SOX5: variants seen among roughly 807,000 people sequenced by gnomAD.
SOX5 encodes SRY-box transcription factor 5.
Under a neutral mutation model 92.0 loss-of-function variants are expected in SOX5, and 9 were observed. The ratio of observed to expected loss-of-function variants is 0.10; its 90% CI spans 0.06 to 0.17. SOX5 has a LOEUF of 0.17. Ranked by LOEUF, SOX5 falls within the 10% of genes least tolerant of loss-of-function variation. The pLI is 1.00. For missense variants in SOX5, 642 were observed against 944.5 expected, an observed-to-expected ratio of 0.68 and a Z score of 4.20; for synonymous variants, 344 against 336.3, an observed-to-expected ratio of 1.02 and a Z score of -0.25.
chr12:24,363,643 T>A (rs1042121066), intron 2 of SOX5, among the ~76,000 whole-genome samples: 2 of 151,868 alleles, frequency 1.3e-5, no homozygotes, highest in African/African-American at 4.8e-5. Context: ...TTAAACAGTG[T>A]CAACTGTTTA....
upstream of SOX5, among the ~76,000 whole-genome samples, chr12:23,953,133 T>A (rs1945871874): frequency 1.3e-5 from 2 of 152,252 alleles, no homozygotes; most frequent in South Asian, 4.1e-4. Context: ...TTCATTTGAA[T>A]CCTATATTGA....
At chr12:23,636,958 G>T (rs1185963029) in intron 8 of SOX5, among the ~76,000 whole-genome samples, 1 of 152,038 alleles carries the variant, frequency 6.6e-6, no homozygotes, top group Non-Finnish European at 1.5e-5. Flanking sequence ...AACGTAATAT[G>T]AATTAAATAA....
At chr12:24,527,005 T>C (rs1302027346) in intron 1 of SOX5, among the ~76,000 whole-genome samples, 1 of 151,948 alleles carries the variant, frequency 6.6e-6, no homozygotes, top group African/African-American at 2.4e-5. Flanking sequence ...GTGCCTAGTC[T>C]GCTCTCAAAC....
rs1326461957 is a variant in SOX5, at chr12:23,530,167, G to A, written c.*4052C>T. ...CTTCATAGTTTTCCTTGCAGACCCC[G>A]TAAGTTTTATTTTATTATTAATTTG... On this transcript the variant is annotated 3_prime_UTR_variant, in exon 15 of 15. Transcript: ENST00000451604. The A allele has an allele frequency of 1.3e-5, 2 of 152,096 alleles. No homozygotes were observed. Among genetic ancestry groups the A allele is most frequent in the Non-Finnish European group, 2.9e-5 (2 of 68,014 alleles). The allele number at this position is 152,096 out of a possible 1,614,324, so 9.4% of individuals were successfully genotyped here.
chr12:23,584,396 G>C, intron 9 of SOX5: 1 of 638,628 alleles, frequency 1.6e-6, no homozygotes, highest in Non-Finnish European at 2.8e-6. Context: ...TCAGATCTTT[G>C]AAAAGTTTGG....
chr12:23,636,279 A>G (rs1027877240), intron 8 of SOX5, among the ~76,000 whole-genome samples: 1 of 152,198 alleles, frequency 6.6e-6, no homozygotes, highest in African/African-American at 2.4e-5. Context: ...GATGATTTTT[A>G]GAATATTTTA....
rs528873244 is a variant in SOX5 at position 24,145,393 on chromosome 12, G to T, written c.-2+67950C>A. On this transcript the variant is annotated intron_variant, in intron 4 of 4. Coordinates refer to the SOX5 transcript ENST00000446891. ...AAATTACCCAATTAATAAACAGAAT[G>T]AATTTTTTAAAAAGATCTAACTACG... Among the ~76,000 whole-genome samples, 10 of 152,148 alleles carry T rather than the reference G, an allele frequency of 6.6e-5. No individual in the cohort carries two copies. In the East Asian group the frequency reaches 1.5e-3, roughly 23 times the overall value.
intron 1 of SOX5, among the ~76,000 whole-genome samples, chr12:23,901,648 T>A (rs1350980810): frequency 6.6e-6 from 1 of 152,222 alleles, no homozygotes; most frequent in African/African-American, 2.4e-5. Flanking sequence ...GCAGCCTTTA[T>A]AATCACTTGA....
At chr12:23,663,582 T>G (rs914841980) in intron 7 of SOX5, among the ~76,000 whole-genome samples, 4 of 152,200 alleles carry the variant, frequency 2.6e-5, no homozygotes, top group African/African-American at 9.6e-5. Flanking sequence ...CTAGTCTATA[T>G]GTATATATTA....
At chr12:24,270,813 G>A (rs1430408426) in intron 3 of SOX5, among the ~76,000 whole-genome samples, 2 of 152,128 alleles carry the variant, frequency 1.3e-5, no homozygotes, top group Non-Finnish European at 2.9e-5. Context: ...GTATTCTGAT[G>A]TGTCTTGATT....
At chr12:23,972,371 G>GTTTT (rs1442598053) in intron 4 of SOX5, among the ~76,000 whole-genome samples, 2 of 151,912 alleles carry the variant, frequency 1.3e-5, no homozygotes, top group African/African-American at 4.8e-5. Flanking sequence ...GTTTTGTTTT[G>GTTTT]TTTTTAGATG....
chr12:24,219,267 A>T (rs894868050), intron 3 of SOX5, among the ~76,000 whole-genome samples: 2 of 152,104 alleles, frequency 1.3e-5, no homozygotes, highest in Admixed American at 1.3e-4. Context: ...ACAGCTCACA[A>T]TAATTTATTA....
intron 4 of SOX5, among the ~76,000 whole-genome samples, chr12:24,172,903 C>T (rs1426062127): frequency 1.3e-5 from 2 of 152,284 alleles, no homozygotes; most frequent in East Asian, 3.9e-4. Flanking sequence ...TTATTTTCCC[C>T]TCAATGAAAC....
intron 1 of SOX5, among the ~76,000 whole-genome samples, chr12:23,918,883 C>T (rs1234339360): frequency 1.3e-5 from 2 of 151,152 alleles, no homozygotes; most frequent in Non-Finnish European, 2.9e-5. Context: ...TGCCACTGCA[C>T]TCCAGCCTGG....
At chr12:23,978,724 C>T (rs1032929787) in intron 4 of SOX5, among the ~76,000 whole-genome samples, 3 of 151,924 alleles carry the variant, frequency 2.0e-5, no homozygotes, top group Non-Finnish European at 2.9e-5. Flanking sequence ...TGATGTCATT[C>T]GTTTGTCTGA....
At chr12:24,414,830 T>C (rs1301306345) in intron 1 of SOX5, among the ~76,000 whole-genome samples, 1 of 152,210 alleles carries the variant, frequency 6.6e-6, no homozygotes, top group Non-Finnish European at 1.5e-5. Context: ...TGCTGTGCTC[T>C]CCCCACATGC....
At chr12:24,266,035 TG>T (rs1942964182) in intron 3 of SOX5, among the ~76,000 whole-genome samples, 1 of 768 alleles carries the variant, frequency 1.3e-3, no homozygotes, top group Non-Finnish European at 0.01. Flanking sequence ...TGCCAGCTAA[TG>T]TGTGTGTGTG....
At chr12:23,700,359 T>C (rs2090456938) in intron 6 of SOX5, among the ~76,000 whole-genome samples, 1 of 152,158 alleles carries the variant, frequency 6.6e-6, no homozygotes, top group African/African-American at 2.4e-5. Context: ...GCTTACAGTG[T>C]CGTAGTCTGT....
At chr12:23,724,637 T>A (rs1292772454) in intron 6 of SOX5, among the ~76,000 whole-genome samples, 1 of 152,300 alleles carries the variant, frequency 6.6e-6, no homozygotes, top group East Asian at 1.9e-4. Context: ...TTGATAGGGT[T>A]ACAAATCCTA....
Sources: allele counts gnomAD v4.1 joint callset (sites outside exome capture counted in the v4.1 genomes callset), GRCh38; gene constraint gnomAD v4.1.1; transcripts MANE v1.5; gene names NCBI Gene and HGNC (gene_info 2026-07-23, HGNC 2026-07-21).